The following CCDC158 variants were observed in gnomAD, a reference collection of about 807,000 sequenced individuals.
The protein encoded by CCDC158 is coiled-coil domain containing 158.
Under a neutral mutation model 138.6 loss-of-function variants are expected in CCDC158, and 116 were observed. The ratio of observed to expected loss-of-function variants is 0.84; its 90% CI spans 0.72 to 0.98. The LOEUF is 0.98. Among genes scored for constraint, CCDC158 ranks in the 50% least tolerant of loss-of-function variants. The probability of loss-of-function intolerance (pLI) is 0.00; values close to 1 mark genes in which losing one functional copy is unlikely to be tolerated. For missense variants in CCDC158, 1,265 were observed against 1,306.1 expected, an observed-to-expected ratio of 0.97 and a Z score of 0.48; for synonymous variants, 436 against 442.4, an observed-to-expected ratio of 0.99 and a Z score of 0.18.
At chr4:76,370,923 A>G (rs17001840) in intron 10 of CCDC158, among the ~76,000 whole-genome samples, 4,465 of 152,256 alleles carry the variant, frequency 0.029, 221 homozygotes, top group African/African-American at 0.1. Context: ...CTGTTATACC[A>G]CTAATACCGC....
intron 24 of CCDC158, among the ~76,000 whole-genome samples, chr4:76,318,998 C>A (rs928882944): frequency 6.6e-6 from 1 of 151,742 alleles, no homozygotes; most frequent in Non-Finnish European, 1.5e-5. Context: ...AGTGGCCAGG[C>A]GCGGTGGCTT....
chr4:76,369,687 T>C, intron 10 of CCDC158, 64 bp from the exon 11 acceptor site: 2 of 1,398,246 alleles, frequency 1.4e-6, no homozygotes, highest in Non-Finnish European at 2.0e-6. Context: ...AAACATATTG[T>C]CTTTATATCA....
intron 2 of CCDC158, among the ~76,000 whole-genome samples, chr4:76,408,873 G>A (rs934445893): frequency 9.2e-5 from 14 of 152,188 alleles, no homozygotes; most frequent in South Asian, 2.1e-4. Context: ...TTTAATGATC[G>A]CCATTCTAAC....
At chr4:76,412,694 T>C (rs1729384574) in intron 1 of CCDC158, among the ~76,000 whole-genome samples, 1 of 152,178 alleles carries the variant, frequency 6.6e-6, no homozygotes, top group Non-Finnish European at 1.5e-5. Flanking sequence ...GATATTGCAG[T>C]GAGCCGAGAT....
intron 2 of CCDC158, among the ~76,000 whole-genome samples, chr4:76,404,743 A>G (rs2109874285): frequency 6.6e-6 from 1 of 152,104 alleles, no homozygotes; most frequent in East Asian, 1.9e-4. Flanking sequence ...AAAGGGTGAG[A>G]GCTGGGTGTG....
intron 13 of CCDC158, 103 bp from the exon 14 acceptor site, chr4:76,357,629 G>A (rs1004820648): frequency 2.7e-6 from 2 of 735,084 alleles, no homozygotes; most frequent in Non-Finnish European, 4.0e-6. Flanking sequence ...TTTAGAACTG[G>A]AAGAGAAGTC....
Position 76,403,102 on chromosome 4 carries a change from A to AT in CCDC158, c.70+35dup, listed in dbSNP as rs1191618241. On this transcript the variant is annotated intron_variant, in intron 3 of 24. Coordinates refer to ENST00000682701, the MANE Select transcript of CCDC158 (RefSeq NM_001394954.1). ...TTGAATGAATATCATGGTTAATTCT[A>AT]TTTTTTCCCCATTTTGTTTTATAAA... is the stretch of plus-strand genomic sequence containing the variant. The AT allele has an allele frequency of 4.2e-6, 6 of 1,445,524 alleles. No individual in the cohort carries two copies. In the East Asian group the frequency reaches 9.2e-5, roughly 22 times the overall value. 89.5% of individuals were successfully genotyped at this position (1,445,524 alleles called of 1,614,324 possible). A position where few individuals can be genotyped will look rare whatever the true frequency, so the allele number is the denominator to read the frequency against.
At chr4:76,406,284 A>C (rs1294979894) in intron 2 of CCDC158, among the ~76,000 whole-genome samples, 1 of 152,242 alleles carries the variant, frequency 6.6e-6, no homozygotes. Context: ...CACATTGCAC[A>C]ATAAAGATAT....
intron 9 of CCDC158, among the ~76,000 whole-genome samples, chr4:76,377,218 TC>T (rs1036515889): frequency 6.6e-6 from 1 of 152,202 alleles, no homozygotes; most frequent in African/African-American, 2.4e-5. Context: ...GGATAATTTT[TC>T]CAAACAACAG....
At position 76,351,989 on chromosome 4, in the gene CCDC158, A is replaced by G. The variant is rs545122715; in HGVS notation, c.2446-177T>C. 7 of 534,026 alleles carry G rather than the reference A, an allele frequency of 1.3e-5. No individual in the cohort carries two copies. In the South Asian group the frequency reaches 1.7e-4, roughly 13 times the overall value. The allele number at this position is 534,026 out of a possible 1,614,324, so 33.1% of individuals were successfully genotyped here. A position where few individuals can be genotyped will look rare whatever the true frequency, so the allele number is the denominator to read the frequency against. The stretch of plus-strand genomic sequence containing the variant: ...AGTGAACTGTGAGCAACTGGAGGCC[A>G]TGTTTTTATCCTCTATACCCCCAGC... On this transcript the variant is annotated intron_variant, in intron 16 of 24. Transcript: ENST00000682701.
intron 13 of CCDC158, among the ~76,000 whole-genome samples, chr4:76,361,869 A>G (rs1305934868): frequency 6.6e-6 from 1 of 152,196 alleles, no homozygotes; most frequent in Non-Finnish European, 1.5e-5. Flanking sequence ...GACACCTCAC[A>G]CTTCTCTTAG....
rs576160279 is a variant in CCDC158 at position 76,395,748 on chromosome 4, T to C, written c.288+521A>G. 2.6e-5 allele frequency among the ~76,000 whole-genome samples: 4 copies of C among 152,322 alleles called. No homozygotes were observed. In the South Asian group the frequency reaches 8.3e-4, roughly 32 times the overall value. ...GCTTTGTATGTGGCAGTAATGAGTT[T>C]GACTTTTAGACTGTTAACTACTGGG... On this transcript the variant is annotated intron_variant, in intron 4 of 24. Transcript: ENST00000682701.
At chr4:76,407,281 A>G (rs1314678173) in intron 2 of CCDC158, 1 of 152,154 alleles carries the variant, frequency 6.6e-6, no homozygotes, top group Non-Finnish European at 1.5e-5. Context: ...ACGATAGAAC[A>G]TATCTACCTT....
intron 12 of CCDC158, among the ~76,000 whole-genome samples, chr4:76,364,773 T>C (rs372976090): frequency 3.9e-5 from 6 of 152,232 alleles, no homozygotes; most frequent in East Asian, 3.8e-4. Flanking sequence ...TCCTGGCAGA[T>C]GCAATTTGAC....
At chr4:76,352,908 G>T (rs1193549103) in intron 16 of CCDC158, 2 of 412,790 alleles carry the variant, frequency 4.8e-6, no homozygotes, top group African/African-American at 2.1e-5. Flanking sequence ...GCCTGAAAAA[G>T]AAAATTTGGC....
intron 24 of CCDC158, 95 bp from the exon 25 acceptor site, chr4:76,313,341 T>C (rs1719068761): frequency 3.0e-6 from 2 of 670,638 alleles, no homozygotes; most frequent in Non-Finnish European, 4.9e-6. Flanking sequence ...TAGTATAGAA[T>C]AGACATGTTC....
chr4:76,331,948 T>G (rs1721050049), intron 20 of CCDC158, among the ~76,000 whole-genome samples: 1 of 152,234 alleles, frequency 6.6e-6, no homozygotes, highest in East Asian at 1.9e-4. Flanking sequence ...TGTCTTTGAT[T>G]ATGGTCTTAT....
At chr4:76,338,237 T>C (rs28564352) in intron 18 of CCDC158, among the ~76,000 whole-genome samples, 4,461 of 152,180 alleles carry the variant, frequency 0.029, 219 homozygotes, top group African/African-American at 0.1. Flanking sequence ...AAAAGCCGGG[T>C]GCAGTGGCTC....
chr4:76,366,212 C>A (rs938885681), intron 12 of CCDC158, among the ~76,000 whole-genome samples: 6 of 152,220 alleles, frequency 3.9e-5, no homozygotes, highest in Admixed American at 2.6e-4. Flanking sequence ...CATTGAGAAT[C>A]CTTTCTATGT....
Sources: allele counts gnomAD v4.1 joint callset (sites outside exome capture counted in the v4.1 genomes callset), GRCh38; gene constraint gnomAD v4.1.1; transcripts MANE v1.5; gene names NCBI Gene and HGNC (gene_info 2026-07-23, HGNC 2026-07-21).